ARHGAP28: variants seen among roughly 807,000 people sequenced by gnomAD.
The protein encoded by ARHGAP28 is Rho GTPase activating protein 28.
In ARHGAP28, 56 loss-of-function variants were observed where a neutral mutation model predicts 90.7. That is an observed-to-expected ratio of 0.62 (90% confidence interval 0.50 to 0.77). The LOEUF is 0.77. ARHGAP28 is among the 30% of genes least tolerant of loss of function. The pLI, the probability that ARHGAP28 is intolerant of heterozygous loss-of-function variation, is 0.00. For missense variants in ARHGAP28, 869 were observed against 900.9 expected (o/e 0.96, Z 0.45); for synonymous variants, 308 against 323.3 (o/e 0.95, Z 0.51).
At chr18:6,800,427 CTGT>C (rs2056473394) in intron 1 of ARHGAP28, among the ~76,000 whole-genome samples, 1 of 152,172 alleles carries the variant, frequency 6.6e-6, no homozygotes, top group Non-Finnish European at 1.5e-5. Flanking sequence ...TATTGCAGCA[CTGT>C]TCACAAAAGC....
In ARHGAP28 at chr18:6,890,468, T is replaced by A; in HGVS notation, c.1773T>A (p.Asn591Lys). 1 of 1,613,590 alleles carries A rather than the reference T, an allele frequency of 6.2e-7. No individual in the cohort carries two copies. The highest frequency in any genetic ancestry group is 8.5e-7 in the Non-Finnish European group (1 of 1,179,858). Residue 591 changes from asparagine (N) to lysine (K), a missense_variant, in exon 14 of 18, where the codon AAT becomes AAA. Physicochemically the swap from Asn to Lys is moderately conservative, Grantham distance 94 (BLOSUM62 0). Transcript: ENST00000383472. ...SFLITQVRRMNEATMLLKKQL... is the reference protein window; with the variant it reads ...SFLITQVRRMKEATMLLKKQL... The stretch of plus-strand genomic sequence containing the variant: ...TAATCACTCAAGTAAGAAGAATGAA[T>A]GAAGCCACGATGCTATTGAAGAAGC...
Position 6,750,329 on chromosome 18 carries a change from A to T in ARHGAP28, c.122+20386A>T, listed in dbSNP as rs1244659933. 2.0e-5 allele frequency among the ~76,000 whole-genome samples: 3 copies of T among 152,320 alleles called. No individual in the cohort carries two copies. In the East Asian group the frequency reaches 5.8e-4, roughly 29 times the overall value. ...CCCAATGCTGCTGCTGTTGCTTTTTAAAAATTGTGGTAAAATATACATTCC... is the reference window on the plus strand; with the variant it reads ...CCCAATGCTGCTGCTGTTGCTTTTTTAAAATTGTGGTAAAATATACATTCC... On this transcript the variant is annotated intron_variant, in intron 1 of 17. Transcript: ENST00000383472.
At chr18:6,823,291 G>A (rs759078265) in intron 1 of ARHGAP28, among the ~76,000 whole-genome samples, 30 of 151,968 alleles carry the variant, frequency 2.0e-4, no homozygotes, top group Admixed American at 7.2e-4. Context: ...AGCACCACAA[G>A]TAAATGGAAT....
chr18:6,779,208 G>A (rs1161532161), intron 1 of ARHGAP28, among the ~76,000 whole-genome samples: 6 of 152,174 alleles, frequency 3.9e-5, no homozygotes, highest in Non-Finnish European at 7.3e-5. Flanking sequence ...TATTATTGAA[G>A]GGTGCACTGT....
rs554917447 is a variant in ARHGAP28, at chr18:6,816,546, G to A, written c.123-8216G>A. 5.3e-5 allele frequency among the ~76,000 whole-genome samples: 8 copies of A among 152,238 alleles called. No homozygotes were observed. The East Asian group carries it at 9.7e-4, about 18-fold the overall frequency. ...TGTGCTGCCACCAGCATCATTCAAC[G>A]GCAGTGACAAATAATGGAGAACTCA... is the stretch of plus-strand genomic sequence containing the variant. On this transcript the variant is annotated intron_variant, in intron 1 of 17. Coordinates refer to ENST00000383472, the MANE Select transcript of ARHGAP28 (RefSeq NM_001366230.1).
At chr18:6,767,990 G>A (rs564930470) in intron 1 of ARHGAP28, among the ~76,000 whole-genome samples, 8 of 152,172 alleles carry the variant, frequency 5.3e-5, no homozygotes, top group Admixed American at 3.3e-4. Flanking sequence ...TCTATTCAAT[G>A]TTTCCAAACT....
chr18:6,803,802 A>G (rs2056499427), intron 1 of ARHGAP28, among the ~76,000 whole-genome samples: 1 of 151,624 alleles, frequency 6.6e-6, no homozygotes. Flanking sequence ...TTTTTGAGAC[A>G]GAGTCTCACT....
chr18:6,876,799 C>T lies in ARHGAP28; in HGVS notation c.1290+591C>T, dbSNP rs1013350460. 7.9e-5 allele frequency among the ~76,000 whole-genome samples: 12 copies of T among 152,316 alleles called. 1 individual carries two copies. Among genetic ancestry groups the T allele is most frequent in the Admixed American group, 2.0e-4 (3 of 15,302 alleles). ...TAATGTTAACATCCACATCTAAAAC[C>T]AGCTGTTCAGTGTGAATCTTATTCT... On this transcript the variant is annotated intron_variant, in intron 10 of 17. Transcript: ENST00000383472.
intron 2 of ARHGAP28, among the ~76,000 whole-genome samples, chr18:6,830,746 A>G (rs2056709123): frequency 6.6e-6 from 1 of 152,210 alleles, no homozygotes; most frequent in Admixed American, 6.5e-5. Context: ...TTATATTCAT[A>G]GATACCAGGA....
intron 1 of ARHGAP28, among the ~76,000 whole-genome samples, chr18:6,732,189 A>G (rs1198266363): frequency 6.6e-6 from 1 of 152,050 alleles, no homozygotes; most frequent in East Asian, 1.9e-4. Context: ...TCCCTAGAGC[A>G]GTATCTGGTA....
chr18:6,730,216 C>CATATATATATATATATATATATAT lies in ARHGAP28; in HGVS notation c.122+275_122+276insATATATATATATATATATATATAT, dbSNP rs1555621909. On this transcript the variant is annotated intron_variant, in intron 1 of 17. Coordinates refer to ENST00000383472, the MANE Select transcript of ARHGAP28 (RefSeq NM_001366230.1). ...TTCTTGATACGATTTGAGGATAAGT[C>CATATATATATATATATATATATAT]ATGTGTATATATATATATATACCTC... The CATATATATATATATATATATATAT allele has an allele frequency of 4.0e-4, 42 of 105,612 alleles. 2 individuals carry two copies. Among genetic ancestry groups the CATATATATATATATATATATATAT allele is most frequent in the African/African-American group, 2.2e-3 (38 of 17,000 alleles). The allele number at this position is 105,612 out of a possible 1,614,324, so 6.5% of individuals were successfully genotyped here.
intron 10 of ARHGAP28, among the ~76,000 whole-genome samples, chr18:6,878,966 C>T (rs17515951): frequency 0.23 from 35,715 of 152,106 alleles, 4,248 homozygotes; most frequent in Middle Eastern, 0.27. Flanking sequence ...TGAACCAAGT[C>T]GATGATACCA....
intron 2 of ARHGAP28, among the ~76,000 whole-genome samples, chr18:6,831,030 A>G (rs964001520): frequency 5.9e-5 from 9 of 152,174 alleles, no homozygotes; most frequent in Non-Finnish European, 2.9e-5. Context: ...AAGTAGTTGT[A>G]CTATTTTACA....
At chr18:6,743,294 T>C (rs1370385071) in intron 1 of ARHGAP28, among the ~76,000 whole-genome samples, 1 of 152,208 alleles carries the variant, frequency 6.6e-6, no homozygotes, top group Non-Finnish European at 1.5e-5. Flanking sequence ...TAAAGCTTTA[T>C]TCTTAGCCTC....
At chr18:6,882,083 T>C in intron 10 of ARHGAP28, 54 bp from the exon 11 acceptor site, 14 of 1,513,574 alleles carry the variant, frequency 9.2e-6, no homozygotes, top group South Asian at 1.3e-5. Flanking sequence ...AAGGGGAAAA[T>C]GGGGTCAGGT....
intron 1 of ARHGAP28, among the ~76,000 whole-genome samples, chr18:6,784,667 T>C (rs2056352584): frequency 6.6e-6 from 1 of 152,214 alleles, no homozygotes; most frequent in African/African-American, 2.4e-5. Flanking sequence ...CATAGTCAAT[T>C]TCAGCGCAGT....
At chr18:6,866,958 T>A (rs1384331904) in intron 5 of ARHGAP28, among the ~76,000 whole-genome samples, 1 of 152,242 alleles carries the variant, frequency 6.6e-6, no homozygotes, top group Non-Finnish European at 1.5e-5. Flanking sequence ...AAGGGAAAAG[T>A]TGTCCACATC....
At chr18:6,909,435 G>C (rs1279315234) in intron 17 of ARHGAP28, among the ~76,000 whole-genome samples, 1 of 151,908 alleles carries the variant, frequency 6.6e-6, no homozygotes, top group African/African-American at 2.4e-5. Context: ...TGGGATTGCA[G>C]ATGCCCGCCA....
At chr18:6,736,861 T>C (rs922106499) in intron 1 of ARHGAP28, among the ~76,000 whole-genome samples, 2 of 147,476 alleles carry the variant, frequency 1.4e-5, no homozygotes, top group African/African-American at 5.4e-5. Context: ...TCTTTTATTC[T>C]TTGAGAATTA....
Sources: allele counts gnomAD v4.1 joint callset (sites outside exome capture counted in the v4.1 genomes callset), GRCh38; gene constraint gnomAD v4.1.1; transcripts MANE v1.5; gene names NCBI Gene and HGNC (gene_info 2026-07-23, HGNC 2026-07-21).